HECTD4: variants seen among roughly 807,000 people sequenced by gnomAD.
HECTD4 encodes probable E3 ubiquitin-protein ligase HECTD4.
A neutral mutation model predicts 471.5 loss-of-function variants in HECTD4; 114 were observed. The observed-to-expected ratio is 0.24, with a 90% CI of 0.21 to 0.28. The LOEUF is 0.28. Ranked by LOEUF, HECTD4 falls within the 10% of genes least tolerant of loss-of-function variation. The pLI is 1.00. For missense variants in HECTD4, 3,866 were observed against 5,651.5 expected (o/e 0.68, Z 10.13); for synonymous variants, 2,012 against 2,256.0 (o/e 0.89, Z 3.07).
At chr12:112,247,131 T>A in intron 28 of HECTD4, 55 bp from the exon 29 acceptor site, 2 of 1,356,812 alleles carry the variant, frequency 1.5e-6, no homozygotes, top group Admixed American at 5.0e-5. Flanking sequence ...CAAAAACAAC[T>A]ATTAAAAAAA....
intron 67 of HECTD4, 58 bp from the exon 68 acceptor site, chr12:112,171,321 TCACAGGCAA>T (rs2031212522): frequency 9.7e-6 from 15 of 1,552,372 alleles, no homozygotes; most frequent in Non-Finnish European, 1.3e-5. Context: ...GATGCCTGAC[TCACAGGCAA>T]CACAGGCAAC....
intron 1 of HECTD4, among the ~76,000 whole-genome samples, chr12:112,347,188 G>A (rs1461042082): frequency 6.6e-6 from 1 of 152,002 alleles, no homozygotes; most frequent in African/African-American, 2.4e-5. Context: ...TGATAAATGA[G>A]TTGGTGTCTG....
At chr12:112,353,770 G>A (rs1052996198) in intron 1 of HECTD4, among the ~76,000 whole-genome samples, 2 of 152,154 alleles carry the variant, frequency 1.3e-5, no homozygotes, top group Admixed American at 6.5e-5. Context: ...TAAAAAGTTA[G>A]GCTAGAAGAA....
intron 1 of HECTD4, among the ~76,000 whole-genome samples, chr12:112,351,166 G>C (rs903848231): frequency 1.3e-5 from 2 of 152,148 alleles, no homozygotes; most frequent in African/African-American, 4.8e-5. Flanking sequence ...ATATCAAATA[G>C]CCAGTCCCTG....
Position 112,193,184 on chromosome 12 carries a change from G to C in HECTD4, c.8963C>G (p.Pro2988Arg), listed in dbSNP as rs1209452917. Residue 2988 changes from proline to arginine, a missense_variant, in exon 58 of 76, where the codon CCA becomes CGA. Physicochemically the swap from Pro to Arg is moderately radical, Grantham distance 103. This residue lies in a region of HECTD4 where 364 missense variants were observed against 413.2 expected (regional missense o/e 0.88). Coordinates refer to ENST00000682272, the MANE Select transcript of HECTD4 (RefSeq NM_001388303.1). This position sits in a 1 kb window ranked among gnomAD's most constrained non-coding sequence, Gnocchi z 5.2. ...KQICSFLQTA[P>R]EQFPSEEFPI... ...GAACTCTTCGGAGGGGAACTGCTCTGGTGCTGTCTGCAAAGAGACACTGAA... is the reference window on the plus strand; with the variant it reads ...GAACTCTTCGGAGGGGAACTGCTCTCGTGCTGTCTGCAAAGAGACACTGAA... The C allele has an allele frequency of 6.2e-7, 1 of 1,613,806 alleles. No homozygotes were observed.
At chr12:112,251,190 T>G (rs1269893491) in intron 23 of HECTD4, 56 bp from the exon 24 acceptor site, 1 of 1,551,884 alleles carries the variant, frequency 6.4e-7, no homozygotes, top group Non-Finnish European at 8.8e-7. Flanking sequence ...CAGAGGCTGC[T>G]ACCTGTGCTG....
intron 49 of HECTD4, 46 bp downstream of exon 49, chr12:112,212,441 G>A (rs2032790456): frequency 6.7e-7 from 1 of 1,482,462 alleles, no homozygotes; most frequent in Non-Finnish European, 9.4e-7. Flanking sequence ...AACAGGAACA[G>A]GTGATGAAGG....
Position 112,381,852 on chromosome 12 carries a change from G to T in HECTD4, c.177+100C>A. On this transcript the variant is annotated intron_variant, in intron 1 of 75. Coordinates refer to ENST00000682272, the MANE Select transcript of HECTD4 (RefSeq NM_001388303.1). This position sits in a 1 kb window ranked among gnomAD's most constrained non-coding sequence, Gnocchi z 4.1. ...ACACACACCTGCCCCGGCAGCCGCC[G>T]GGAGGCGAGGCCGCGGCTGAGGCGA... 1.1e-6 allele frequency: 1 copy of T among 871,936 alleles called. No homozygotes were observed. Among genetic ancestry groups the T allele is most frequent in the South Asian group, 5.8e-5 (1 of 17,270 alleles). 54.0% of individuals were successfully genotyped at this position (871,936 alleles called of 1,614,324 possible).
In HECTD4 at chr12:112,324,053, T is replaced by C. The variant is rs187615108; in HGVS notation, c.178-4311A>G. ...TCCTTCCTTCCTTCCTTCCTTTCTT[T>C]CTTTCTTTCTTTCTTTCTTTCTTTC... On this transcript the variant is annotated intron_variant, in intron 1 of 75. Transcript: ENST00000682272. 2.0e-3 allele frequency among the ~76,000 whole-genome samples: 128 copies of C among 64,926 alleles called. 18 individuals are homozygous for C. Among genetic ancestry groups the C allele is most frequent in the South Asian group, 0.018 (28 of 1,548 alleles). The allele number at this position is 64,926 out of a possible 152,430, so 42.6% of individuals were successfully genotyped here. A position where few individuals can be genotyped will look rare whatever the true frequency, so the allele number is the denominator to read the frequency against.
chr12:112,185,345 G>A lies in HECTD4; in HGVS notation c.9621C>T (p.Pro3207=). The A allele has an allele frequency of 1.2e-6, 2 of 1,600,884 alleles. No individual in the cohort carries two copies. The highest frequency in any genetic ancestry group is 2.2e-5 in the South Asian group (2 of 89,040). The change falls in exon 61 of 76, where the codon CCC becomes CCT. Residue 3207 remains proline (P), a synonymous_variant. Coordinates refer to ENST00000682272, the MANE Select transcript of HECTD4 (RefSeq NM_001388303.1). ...GCAAGGCCATCAGCATGGCCAGGCAGGGGTTCAGCTGGAGGGCGATTGAGG... is the reference window on the plus strand; with the variant it reads ...GCAAGGCCATCAGCATGGCCAGGCAAGGGTTCAGCTGGAGGGCGATTGAGG... ...LSSSIALQLN[P]CLAMLMALQS... is the part of the protein sequence containing the mutation.
chr12:112,350,296 A>T (rs1434951601), intron 1 of HECTD4, among the ~76,000 whole-genome samples: 5 of 152,170 alleles, frequency 3.3e-5, no homozygotes, highest in Non-Finnish European at 7.3e-5. Context: ...AGAACTCTAA[A>T]CTCAAAATAA....
intron 3 of HECTD4, among the ~76,000 whole-genome samples, chr12:112,314,040 T>C (rs1031652320): frequency 1.3e-5 from 2 of 151,898 alleles, no homozygotes; most frequent in African/African-American, 4.8e-5. Flanking sequence ...TTATAAGCTA[T>C]TGCATCTTTA....
intron 1 of HECTD4, among the ~76,000 whole-genome samples, chr12:112,355,526 G>A (rs1002773791): frequency 2.6e-5 from 4 of 151,862 alleles, no homozygotes; most frequent in Non-Finnish European, 1.5e-5. Context: ...TTGGGAGGCC[G>A]AAGTGGACAG....
At chr12:112,240,145 T>C (rs2033605492) in intron 32 of HECTD4, 118 bp from the exon 33 acceptor site, 4 of 1,038,014 alleles carry the variant, frequency 3.9e-6, no homozygotes, top group Non-Finnish European at 5.6e-6. Context: ...TGAAGGGATC[T>C]TGGAGAACAT....
chr12:112,207,765 G>A, intron 52 of HECTD4, 109 bp downstream of exon 52: 1 of 1,253,064 alleles, frequency 8.0e-7, no homozygotes. Context: ...ACACTGTTAA[G>A]TATGGTGCAA....
intron 55 of HECTD4, among the ~76,000 whole-genome samples, chr12:112,196,398 G>C (rs1326149606): frequency 6.6e-6 from 1 of 152,114 alleles, no homozygotes; most frequent in Non-Finnish European, 1.5e-5. Context: ...TCTCATGCCA[G>C]GATGAACAAT....
At chr12:112,190,604 T>G (rs1040611315) in intron 60 of HECTD4, among the ~76,000 whole-genome samples, 182 bp downstream of exon 60, 1 of 151,890 alleles carries the variant, frequency 6.6e-6, no homozygotes, top group Non-Finnish European at 1.5e-5. Context: ...GATTTGGGAG[T>G]CTAGGTTGTA....
At chr12:112,196,281 T>A (rs1023102198) in intron 55 of HECTD4, among the ~76,000 whole-genome samples, 8 of 152,204 alleles carry the variant, frequency 5.3e-5, no homozygotes, top group African/African-American at 1.9e-4. Flanking sequence ...CAACCCCATA[T>A]GGAACACTTG....
intron 17 of HECTD4, among the ~76,000 whole-genome samples, chr12:112,263,679 T>C (rs2034198134): frequency 1.3e-5 from 2 of 151,236 alleles, no homozygotes; most frequent in South Asian, 2.1e-4. Flanking sequence ...ATCTAAAATT[T>C]TGAAATTATT....
Sources: allele counts gnomAD v4.1 joint callset (sites outside exome capture counted in the v4.1 genomes callset), GRCh38; gene constraint gnomAD v4.1.1; regional missense constraint gnomAD v4.1.1; non-coding constraint Gnocchi (gnomAD v3.1); transcripts MANE v1.5; gene names NCBI Gene and HGNC (gene_info 2026-07-23, HGNC 2026-07-21).